STK3: variants seen among roughly 807,000 people sequenced by gnomAD.
STK3 encodes the protein serine/threonine-protein kinase 3.
In STK3, 41 loss-of-function variants were observed where a neutral mutation model predicts 58.0. The ratio of observed to expected loss-of-function variants is 0.71; its 90% CI spans 0.55 to 0.92. The LOEUF (loss-of-function observed/expected upper bound fraction) is 0.92. Among genes scored for constraint, STK3 ranks in the 40% least tolerant of loss-of-function variants. The pLI is 0.00. For missense variants in STK3, 479 were observed against 602.7 expected (o/e 0.79, Z 2.15); for synonymous variants, 170 against 191.0 (o/e 0.89, Z 0.91).
intron 4 of STK3, among the ~76,000 whole-genome samples, chr8:98,743,757 C>A (rs904342375): frequency 1.3e-4 from 20 of 151,770 alleles, no homozygotes; most frequent in African/African-American, 4.4e-4. Context: ...AACTAAAGAA[C>A]TTCTGCACAG....
intron 1 of STK3, among the ~76,000 whole-genome samples, chr8:98,916,284 G>A (rs541011034): frequency 6.6e-6 from 1 of 152,082 alleles, no homozygotes; most frequent in Non-Finnish European, 1.5e-5. Flanking sequence ...TGTGGTGGCA[G>A]GCACCTGTAA....
chr8:98,706,576 A>C lies in STK3; in HGVS notation c.575T>G (p.Val192Gly), dbSNP rs781102717. 1.9e-6 allele frequency: 3 copies of C among 1,613,376 alleles called. No homozygotes were observed. The Admixed American group carries it at 5.0e-5, about 27-fold the overall frequency. ...IGTPFWMAPE[V>G]IQEIGYNCVA... is the part of the protein sequence containing the mutation. The stretch of plus-strand genomic sequence containing the variant: ...ACAGTTATAGCCTATTTCTTGAATC[A>C]CCTCAGGAGCCATCCAAAATGGAGT... Residue 192 changes from valine (V) to glycine (G), a missense_variant, in exon 6 of 11, where the codon GTG (valine) becomes GGG (glycine). Val to Gly is a moderately radical substitution (Grantham distance 109). Around this residue, in one of 3 missense-constraint regions of STK3, gnomAD observed 126 missense variants for 210.1 expected, o/e 0.60. Coordinates refer to ENST00000419617, the MANE Select transcript of STK3 (RefSeq NM_006281.4).
intron 1 of STK3, among the ~76,000 whole-genome samples, chr8:98,908,047 A>G (rs1838984558): frequency 6.6e-6 from 1 of 152,140 alleles, no homozygotes; most frequent in African/African-American, 2.4e-5. Flanking sequence ...TATCACATTC[A>G]CATTCTATTT....
At chr8:98,451,556 A>AGTCT (rs1373058264), downstream of STK3, among the ~76,000 whole-genome samples, 4 of 152,194 alleles carry the variant, frequency 2.6e-5, no homozygotes, top group Non-Finnish European at 5.9e-5. Context: ...GGTGGCAAAG[A>AGTCT]GTCTGACTAA....
chr8:98,423,120 G>T (rs1331748661), intron 3 of STK3, among the ~76,000 whole-genome samples: 1 of 152,192 alleles, frequency 6.6e-6, no homozygotes, highest in East Asian at 1.9e-4. Flanking sequence ...GGAGGAAGGA[G>T]TTGGGGCCAA....
At chr8:98,638,030 G>T (rs1819746851) in intron 6 of STK3, among the ~76,000 whole-genome samples, 1 of 151,840 alleles carries the variant, frequency 6.6e-6, no homozygotes, top group Non-Finnish European at 1.5e-5. Context: ...GCTACTTTAG[G>T]TGTGTTTCTA....
downstream of STK3, among the ~76,000 whole-genome samples, chr8:98,368,631 T>G (rs935821204): frequency 2.0e-5 from 3 of 152,150 alleles, no homozygotes; most frequent in Non-Finnish European, 4.4e-5. Flanking sequence ...CAAACCTATG[T>G]CTCCTGCATT....
chr8:98,635,314 T>A (rs1587107160), intron 6 of STK3, among the ~76,000 whole-genome samples: 2 of 152,328 alleles, frequency 1.3e-5, no homozygotes, highest in East Asian at 3.9e-4. Flanking sequence ...TAGCACTTAT[T>A]ATGTATGGGG....
At chr8:98,838,538 GGA>G (rs1273682156) in intron 3 of STK3, among the ~76,000 whole-genome samples, 1 of 152,190 alleles carries the variant, frequency 6.6e-6, no homozygotes, top group Non-Finnish European at 1.5e-5. Flanking sequence ...CGAAAAAAGA[GGA>G]GAGGTAGATG....
At chr8:98,841,018 G>T (rs1338590174) in intron 3 of STK3, among the ~76,000 whole-genome samples, 1 of 152,168 alleles carries the variant, frequency 6.6e-6, no homozygotes, top group Non-Finnish European at 1.5e-5. Flanking sequence ...CCTTTGAGAG[G>T]CCCCTCAGGT....
At chr8:98,739,157 G>C (rs1192308639) in intron 4 of STK3, among the ~76,000 whole-genome samples, 1 of 152,252 alleles carries the variant, frequency 6.6e-6, no homozygotes, top group South Asian at 2.1e-4. Context: ...TCCACCTCTG[G>C]GGGCAGGGCA....
intron 10 of STK3, among the ~76,000 whole-genome samples, chr8:98,523,706 GTTTT>G (rs1165987198): frequency 6.8e-6 from 1 of 147,860 alleles, no homozygotes; most frequent in Admixed American, 6.7e-5. Context: ...GACTGTTTGG[GTTTT>G]TTTTTTGTTG....
intron 1 of STK3, among the ~76,000 whole-genome samples, chr8:98,815,712 A>T (rs1834501055): frequency 6.6e-6 from 1 of 152,246 alleles, no homozygotes; most frequent in East Asian, 1.9e-4. Context: ...AAGACAGGGA[A>T]CTAATTCGTT....
intron 3 of STK3, among the ~76,000 whole-genome samples, chr8:98,407,182 A>G (rs1277292951): frequency 6.6e-6 from 1 of 152,236 alleles, no homozygotes; most frequent in Non-Finnish European, 1.5e-5. Flanking sequence ...AGAATTAAGC[A>G]TAGAATTTCC....
chr8:98,633,724 CT>C (rs1033550079), intron 6 of STK3: 5 of 654,422 alleles, frequency 7.6e-6, no homozygotes, highest in Non-Finnish European at 1.4e-5. Context: ...TCTGGAGGAT[CT>C]GTTGATACTG....
At chr8:98,589,206 G>GT (rs1411385291) in intron 7 of STK3, among the ~76,000 whole-genome samples, 2 of 152,306 alleles carry the variant, frequency 1.3e-5, no homozygotes, top group Admixed American at 1.3e-4. Flanking sequence ...TTTCTGTTCT[G>GT]TTTTTTCCCC....
At chr8:98,370,344 T>A (rs946017286), downstream of STK3, among the ~76,000 whole-genome samples, 7 of 126,790 alleles carry the variant, frequency 5.5e-5, no homozygotes, top group African/African-American at 2.4e-4. Context: ...ACCTCTGCAG[T>A]GTGTGTGTGT....
intron 3 of STK3, among the ~76,000 whole-genome samples, chr8:98,414,285 T>G (rs1202876086): frequency 6.6e-6 from 1 of 152,014 alleles, no homozygotes; most frequent in East Asian, 1.9e-4. Context: ...AATAAAAAAA[T>G]AAAATAAAAT....
intron 1 of STK3, among the ~76,000 whole-genome samples, chr8:98,447,422 CT>C (rs1818998470): frequency 6.6e-6 from 1 of 151,806 alleles, no homozygotes; most frequent in South Asian, 2.1e-4. Context: ...AATGAATTGA[CT>C]TCTAATTGGA....
Sources: allele counts gnomAD v4.1 joint callset (sites outside exome capture counted in the v4.1 genomes callset), GRCh38; gene constraint gnomAD v4.1.1; regional missense constraint gnomAD v4.1.1; transcripts MANE v1.5; gene names NCBI Gene and HGNC (gene_info 2026-07-23, HGNC 2026-07-21).